KIAA1328: variants seen among roughly 807,000 people sequenced by gnomAD.
The protein encoded by KIAA1328 is KIAA1328, also known as protein hinderin.
Under a neutral mutation model 68.1 loss-of-function variants are expected in KIAA1328, and 52 were observed. That is an observed-to-expected ratio of 0.76 (90% CI 0.61 to 0.96). The LOEUF (loss-of-function observed/expected upper bound fraction) is 0.96, where lower values mean the gene tolerates loss of function less well. KIAA1328 is among the 40% of genes least tolerant of loss of function. The probability of loss-of-function intolerance (pLI) is 0.00; values close to 1 mark genes in which losing one functional copy is unlikely to be tolerated. For synonymous variants in KIAA1328, 232 were observed against 239.4 expected (o/e 0.97, Z 0.28); for missense variants, 641 against 677.6 (o/e 0.95, Z 0.60).
At chr18:36,858,989 T>C (rs979865844) in intron 4 of KIAA1328, among the ~76,000 whole-genome samples, 6 of 152,194 alleles carry the variant, frequency 3.9e-5, no homozygotes, top group African/African-American at 1.4e-4. Context: ...ACTTATTAAG[T>C]TTTTCATTTT....
At chr18:36,930,193 T>G (rs1324551724) in intron 5 of KIAA1328, among the ~76,000 whole-genome samples, 1 of 152,118 alleles carries the variant, frequency 6.6e-6, no homozygotes, top group Non-Finnish European at 1.5e-5. Context: ...AGTTGAAAAT[T>G]TCAGCTGTTT....
At chr18:36,958,047 A>G (rs2051497740) in intron 5 of KIAA1328, among the ~76,000 whole-genome samples, 1 of 152,174 alleles carries the variant, frequency 6.6e-6, no homozygotes, top group Admixed American at 6.5e-5. Flanking sequence ...TACAAATGAA[A>G]TCATGCAATA....
intron 6 of KIAA1328, among the ~76,000 whole-genome samples, chr18:36,990,616 A>G (rs563200480): frequency 1.3e-5 from 2 of 152,146 alleles, no homozygotes; most frequent in East Asian, 3.9e-4. Flanking sequence ...GGCTGCAGTG[A>G]GCTGAGTTCT....
chr18:36,890,648 G>A (rs1431269609), intron 5 of KIAA1328, among the ~76,000 whole-genome samples: 1 of 152,126 alleles, frequency 6.6e-6, no homozygotes, highest in Non-Finnish European at 1.5e-5. Flanking sequence ...TCCAGCATAG[G>A]TGACAAAGTG....
chr18:37,046,604 C>T (rs2055480730), intron 6 of KIAA1328, among the ~76,000 whole-genome samples: 1 of 152,172 alleles, frequency 6.6e-6, no homozygotes, highest in South Asian at 2.1e-4. Context: ...GAAATCTTGG[C>T]TCTTTCATGT....
chr18:36,849,856 A>G (rs2047154536), intron 4 of KIAA1328, among the ~76,000 whole-genome samples: 1 of 152,004 alleles, frequency 6.6e-6, no homozygotes, highest in Non-Finnish European at 1.5e-5. Flanking sequence ...GTTTCTCCAC[A>G]TTCTTGTCAC....
Position 37,007,066 on chromosome 18 carries a change from C to G in KIAA1328, c.576+47631C>G, listed in dbSNP as rs2053810548. Among the ~76,000 whole-genome samples, 3 of 152,156 alleles carry G rather than the reference C, an allele frequency of 2.0e-5. No homozygotes were observed. The South Asian group carries it at 6.2e-4, about 31-fold the overall frequency. ...TGTTGCTAAGACTTTTTAAAAACAGCACCAGCTGTCTTCCTCCACTAGTCT... is the reference window on the plus strand; with the variant it reads ...TGTTGCTAAGACTTTTTAAAAACAGGACCAGCTGTCTTCCTCCACTAGTCT... On this transcript the variant is annotated intron_variant, in intron 6 of 9. Transcript: ENST00000280020.
At chr18:36,919,727 C>T (rs1348201783) in intron 5 of KIAA1328, among the ~76,000 whole-genome samples, 1 of 152,112 alleles carries the variant, frequency 6.6e-6, no homozygotes, top group East Asian at 1.9e-4. Flanking sequence ...ACAACCTCAC[C>T]AACATCTTTT....
chr18:37,007,533 A>G (rs1232467534), intron 6 of KIAA1328, among the ~76,000 whole-genome samples: 1 of 152,204 alleles, frequency 6.6e-6, no homozygotes, highest in Non-Finnish European at 1.5e-5. Context: ...TGCTGGTAAT[A>G]TATACTCTAA....
intron 9 of KIAA1328, among the ~76,000 whole-genome samples, chr18:37,175,299 G>T (rs1454210630): frequency 1.3e-5 from 2 of 152,108 alleles, no homozygotes; most frequent in African/African-American, 4.8e-5. Flanking sequence ...GGAATAAAAT[G>T]TTGCCCCAGT....
rs71168249 is a variant in KIAA1328, at chr18:36,953,995, C to CTTTTT, written c.449-5299_449-5295dup. Among the ~76,000 whole-genome samples, 933 of 113,492 alleles carry CTTTTT rather than the reference C, an allele frequency of 8.2e-3. 25 individuals carry two copies. The highest frequency in any genetic ancestry group is 0.023 in the East Asian group (91 of 3,934). The allele number at this position is 113,492 out of a possible 152,430, so 74.5% of individuals were successfully genotyped here. On this transcript the variant is annotated intron_variant, in intron 5 of 9. Coordinates refer to ENST00000280020, the MANE Select transcript of KIAA1328 (RefSeq NM_020776.3). ...ATATATTGAATTTGTCTGATTGTTTCTTTTTTTTTTTTTTTTTTGAGACGG... is the reference window on the plus strand; with the variant it reads ...ATATATTGAATTTGTCTGATTGTTTCTTTTTTTTTTTTTTTTTTTTTTTGAGACGG...
intron 7 of KIAA1328, among the ~76,000 whole-genome samples, chr18:37,138,240 G>T (rs954847291): frequency 1.3e-5 from 2 of 152,166 alleles, no homozygotes; most frequent in African/African-American, 4.8e-5. Context: ...TTAATAAGTT[G>T]TTTTATAGAT....
intron 9 of KIAA1328, among the ~76,000 whole-genome samples, chr18:37,181,616 C>T (rs1211745497): frequency 2.0e-5 from 3 of 152,112 alleles, no homozygotes; most frequent in Admixed American, 1.3e-4. Flanking sequence ...AACGATGTAG[C>T]AAATTCCAAG....
intron 5 of KIAA1328, chr18:36,903,576 G>A (rs954261795): frequency 6.6e-6 from 1 of 152,052 alleles, no homozygotes; most frequent in African/African-American, 2.4e-5. Context: ...TGCTAAGGCA[G>A]GTAGAGAACT....
chr18:36,923,178 G>C (rs558614938), intron 5 of KIAA1328, among the ~76,000 whole-genome samples: 1 of 152,126 alleles, frequency 6.6e-6, no homozygotes, highest in Admixed American at 6.5e-5. Flanking sequence ...AGTACTTAAA[G>C]GGAAATTTTA....
chr18:36,917,008 CA>C, intron 5 of KIAA1328, among the ~76,000 whole-genome samples: 1 of 150,584 alleles, frequency 6.6e-6, no homozygotes, highest in Non-Finnish European at 1.5e-5. Context: ...GTTAAAAAAG[CA>C]AAAACAAAAA....
chr18:37,213,149 A>C (rs1259052290), intron 9 of KIAA1328, among the ~76,000 whole-genome samples: 1 of 152,162 alleles, frequency 6.6e-6, no homozygotes, highest in Non-Finnish European at 1.5e-5. Context: ...AATTTTTTGT[A>C]ATTTTTTTTA....
chr18:36,897,362 A>T (rs2048898415), intron 5 of KIAA1328, among the ~76,000 whole-genome samples: 1 of 152,114 alleles, frequency 6.6e-6, no homozygotes. Context: ...GCTGGGTTTC[A>T]ATTAAACCGG....
intron 7 of KIAA1328, among the ~76,000 whole-genome samples, chr18:37,107,081 T>G (rs2057796465): frequency 6.6e-6 from 1 of 152,030 alleles, no homozygotes; most frequent in Non-Finnish European, 1.5e-5. Flanking sequence ...CCATCTCTAC[T>G]AAAAATACAA....
Sources: allele counts gnomAD v4.1 joint callset (sites outside exome capture counted in the v4.1 genomes callset), GRCh38; gene constraint gnomAD v4.1.1; transcripts MANE v1.5; gene names NCBI Gene and HGNC (gene_info 2026-07-23, HGNC 2026-07-21).